The following CACNB2 variants were observed in gnomAD, a reference collection of about 807,000 sequenced individuals.
CACNB2 encodes voltage-dependent L-type calcium channel subunit beta-2.
Under a neutral mutation model 73.3 loss-of-function variants are expected in CACNB2, and 42 were observed. That is an observed-to-expected ratio of 0.57 (90% CI 0.45 to 0.74). The LOEUF is 0.74. Among genes scored for constraint, CACNB2 ranks in the 30% least tolerant of loss-of-function variants. The pLI is 0.00. For synonymous variants in CACNB2, 348 were observed against 310.3 expected, an observed-to-expected ratio of 1.12 and a Z score of -1.28; for missense variants, 940 against 853.0, an observed-to-expected ratio of 1.10 and a Z score of -1.27.
Position 18,502,615 on chromosome 10 carries a change from C to T in CACNB2, c.593+1667C>T, listed in dbSNP as rs148314575. 1.3e-3 allele frequency among the ~76,000 whole-genome samples: 179 copies of T among 136,696 alleles called. 1 individual carries two copies. The highest frequency in any genetic ancestry group is 4.4e-3 in the African/African-American group (160 of 36,148). The allele number at this position is 136,696 out of a possible 152,430, so 89.7% of individuals were successfully genotyped here. A position where few individuals can be genotyped will look rare whatever the true frequency, so the allele number is the denominator to read the frequency against. On this transcript the variant is annotated intron_variant, in intron 5 of 13. Coordinates refer to ENST00000324631, the MANE Select transcript of CACNB2 (RefSeq NM_201596.3). ...CTGAGGCAGAGAATCACTTCGAACC[C>T]GGGAGGCAGAGGTTGAAGTGAGCCA... is the stretch of plus-strand genomic sequence containing the variant.
chr10:18,507,648 C>G (rs2050563187), intron 6 of CACNB2, among the ~76,000 whole-genome samples: 1 of 152,024 alleles, frequency 6.6e-6, no homozygotes, highest in Admixed American at 6.5e-5. Context: ...AAAAAAAGCA[C>G]ATGATCAGTA....
intron 12 of CACNB2, among the ~76,000 whole-genome samples, chr10:18,536,765 C>T (rs7082235): frequency 0.78 from 118,080 of 152,088 alleles, 46,043 homozygotes; most frequent in East Asian, 0.98. Flanking sequence ...TGTTAATATC[C>T]AACACAAGAT....
intron 6 of CACNB2, among the ~76,000 whole-genome samples, chr10:18,508,873 T>C (rs1317179255): frequency 2.6e-5 from 4 of 152,208 alleles, no homozygotes; most frequent in Admixed American, 2.0e-4. Context: ...ACCGTCTGTA[T>C]AGTGAAAGGA....
At chr10:18,488,032 C>T (rs2049162310) in intron 3 of CACNB2, among the ~76,000 whole-genome samples, 2 of 151,092 alleles carry the variant, frequency 1.3e-5, no homozygotes, top group African/African-American at 4.9e-5. Context: ...TGGTCTCGAA[C>T]TCCTGACCTC....
intron 2 of CACNB2, among the ~76,000 whole-genome samples, chr10:18,165,879 G>A (rs941819954): frequency 5.3e-5 from 8 of 152,092 alleles, no homozygotes; most frequent in African/African-American, 1.4e-4. Flanking sequence ...TGCAACTGAC[G>A]TTAGATTGAC....
chr10:18,260,555 C>T (rs2037490492), intron 2 of CACNB2: 1 of 985,782 alleles, frequency 1.0e-6, no homozygotes, highest in Admixed American at 6.1e-5. Flanking sequence ...CAGGACAAAG[C>T]ATCTGACGGT....
chr10:18,165,435 C>T (rs2032783271), intron 2 of CACNB2, among the ~76,000 whole-genome samples: 1 of 152,220 alleles, frequency 6.6e-6, no homozygotes, highest in Non-Finnish European at 1.5e-5. Context: ...GGTTGAGGTG[C>T]AAAGGCACGA....
rs59810641 is a variant in CACNB2 at position 18,384,762 on chromosome 10, A to AC, written c.214-17159dup. On this transcript the variant is annotated intron_variant, in intron 2 of 13. Transcript: ENST00000324631. ...CAACAACAAACAAAAAACAAAAAAA[A>AC]CCCACAAAACCAAAAATAAAGTAAT... Among the ~76,000 whole-genome samples the AC allele has an allele frequency of 2.1e-3, 324 of 151,290 alleles. 1 individual carries two copies. Among genetic ancestry groups the AC allele is most frequent in the African/African-American group, 6.9e-3 (284 of 41,268 alleles).
At chr10:18,477,681 G>A (rs1589472727) in intron 3 of CACNB2, among the ~76,000 whole-genome samples, 1 of 152,188 alleles carries the variant, frequency 6.6e-6, no homozygotes, top group Admixed American at 6.5e-5. Context: ...GGGCTGCAGA[G>A]GGAAGATGGA....
intron 2 of CACNB2, among the ~76,000 whole-genome samples, chr10:18,188,254 TCTTTCCTTCTTGCCTC>T (rs199941945): frequency 0.03 from 4,615 of 151,316 alleles, 204 homozygotes; most frequent in African/African-American, 0.1. Flanking sequence ...CTACCTGCCT[TCTTTCCTTCTTGCCTC>T]CTTTCCTTCT....
chr10:18,417,244 A>G (rs1589290424), intron 3 of CACNB2, among the ~76,000 whole-genome samples: 1 of 150,826 alleles, frequency 6.6e-6, no homozygotes, highest in East Asian at 1.9e-4. Flanking sequence ...CAAGCAAAAA[A>G]CTCACCTTTT....
chr10:18,420,732 A>G (rs999687003), intron 3 of CACNB2, among the ~76,000 whole-genome samples: 1 of 152,196 alleles, frequency 6.6e-6, no homozygotes, highest in Non-Finnish European at 1.5e-5. Flanking sequence ...TGACCATAAA[A>G]TTAGCCATCA....
intron 2 of CACNB2, among the ~76,000 whole-genome samples, chr10:18,246,054 G>A (rs989442483): frequency 2.0e-5 from 3 of 152,094 alleles, no homozygotes; most frequent in African/African-American, 4.8e-5. Flanking sequence ...GTCAAAAGGT[G>A]CAGTGACCCT....
chr10:18,415,691 C>T (rs1018454206), intron 3 of CACNB2, among the ~76,000 whole-genome samples: 1 of 152,086 alleles, frequency 6.6e-6, no homozygotes, highest in Non-Finnish European at 1.5e-5. Context: ...CTATGGGGTC[C>T]AACAACGCCT....
intron 2 of CACNB2, among the ~76,000 whole-genome samples, chr10:18,251,659 G>A (rs1162248322): frequency 6.6e-6 from 1 of 152,192 alleles, no homozygotes; most frequent in African/African-American, 2.4e-5. Context: ...AGGTTTAATT[G>A]ACTCAGTTCC....
At chr10:18,273,260 G>C (rs1287697300) in intron 2 of CACNB2, among the ~76,000 whole-genome samples, 1 of 152,132 alleles carries the variant, frequency 6.6e-6, no homozygotes, top group East Asian at 1.9e-4. Flanking sequence ...GATCTCCCCA[G>C]GTCAGGAGAG....
chr10:18,346,709 A>G (rs1363569017), intron 2 of CACNB2, among the ~76,000 whole-genome samples: 2 of 150,108 alleles, frequency 1.3e-5, no homozygotes, highest in African/African-American at 2.5e-5. Context: ...CCATCATCCC[A>G]TCTCAGCCTC....
intron 2 of CACNB2, among the ~76,000 whole-genome samples, chr10:18,258,786 C>A (rs751078190): frequency 1.3e-5 from 2 of 151,960 alleles, no homozygotes; most frequent in African/African-American, 2.4e-5. Context: ...ATTATGTGTT[C>A]TTTTATATTA....
At chr10:18,469,399 A>G (rs2048064546) in intron 3 of CACNB2, among the ~76,000 whole-genome samples, 1 of 152,052 alleles carries the variant, frequency 6.6e-6, no homozygotes, top group Admixed American at 6.6e-5. Flanking sequence ...TTCGTTGCTA[A>G]TATTTATGCC....
Sources: allele counts gnomAD v4.1 joint callset (sites outside exome capture counted in the v4.1 genomes callset), GRCh38; gene constraint gnomAD v4.1.1; transcripts MANE v1.5; gene names NCBI Gene and HGNC (gene_info 2026-07-23, HGNC 2026-07-21).